The following BICC1 variants were observed in gnomAD, a reference collection of about 807,000 sequenced individuals.
BICC1 encodes protein bicaudal C homolog 1.
BICC1 carries 43 observed loss-of-function variants against 111.0 expected under a neutral mutation model. That is an observed-to-expected ratio of 0.39 (90% CI 0.30 to 0.50). The LOEUF (loss-of-function observed/expected upper bound fraction) is 0.50, where lower values mean the gene tolerates loss of function less well. Among genes scored for constraint, BICC1 ranks in the 20% least tolerant of loss-of-function variants. The pLI is 0.88. For missense variants in BICC1, 1,091 were observed against 1,203.2 expected (o/e 0.91, Z 1.38); for synonymous variants, 467 against 434.4 (o/e 1.07, Z -0.93).
At chr10:58,652,515 C>T (rs1299268675) in intron 2 of BICC1, among the ~76,000 whole-genome samples, 1 of 152,080 alleles carries the variant, frequency 6.6e-6, no homozygotes, top group African/African-American at 2.4e-5. Flanking sequence ...ATTACCTGCT[C>T]ATAGTTCTCT....
chr10:58,766,084 C>G (rs1283569466), intron 3 of BICC1, among the ~76,000 whole-genome samples: 1 of 152,172 alleles, frequency 6.6e-6, no homozygotes, highest in Non-Finnish European at 1.5e-5. Flanking sequence ...TTCGTCACCC[C>G]CTGAAGCTGC....
At chr10:58,534,949 C>T (rs1842788216) in intron 1 of BICC1, among the ~76,000 whole-genome samples, 1 of 151,162 alleles carries the variant, frequency 6.6e-6, no homozygotes, top group Non-Finnish European at 1.5e-5. Context: ...CTACAAAATG[C>T]AGTGGAAAGT....
chr10:58,734,262 C>G (rs774220965), intron 3 of BICC1, among the ~76,000 whole-genome samples: 7 of 152,222 alleles, frequency 4.6e-5, no homozygotes, highest in Non-Finnish European at 8.8e-5. Context: ...TCCAATTAAA[C>G]TCTTGAGAGT....
intron 1 of BICC1, among the ~76,000 whole-genome samples, chr10:58,546,101 T>C (rs922657335): frequency 6.6e-6 from 1 of 152,200 alleles, no homozygotes; most frequent in African/African-American, 2.4e-5. Flanking sequence ...ACCTGGATAA[T>C]TCAGAGTACT....
intron 1 of BICC1, among the ~76,000 whole-genome samples, chr10:58,531,653 C>G (rs1436049687): frequency 6.6e-6 from 1 of 151,390 alleles, no homozygotes; most frequent in Admixed American, 6.6e-5. Context: ...TAGTGCACTA[C>G]AAGAAAACAT....
chr10:58,740,561 G>T (rs527719355), intron 3 of BICC1, among the ~76,000 whole-genome samples: 4 of 152,092 alleles, frequency 2.6e-5, no homozygotes, highest in African/African-American at 4.8e-5. Flanking sequence ...TGTGTGTTTA[G>T]TCAAGAGTCA....
chr10:58,518,224 C>T (rs1464945685), intron 1 of BICC1, among the ~76,000 whole-genome samples: 3 of 152,094 alleles, frequency 2.0e-5, no homozygotes, highest in African/African-American at 7.2e-5. Flanking sequence ...AGACTAGCAG[C>T]GAAATCAGTT....
At chr10:58,784,810 C>T (rs1392952480) in intron 3 of BICC1, among the ~76,000 whole-genome samples, 191 bp from the exon 4 acceptor site, 3 of 151,922 alleles carry the variant, frequency 2.0e-5, no homozygotes, top group East Asian at 1.9e-4. Context: ...TAAATGAAAA[C>T]GTGGGCATTT....
At chr10:58,604,621 G>A (rs1224892976) in intron 1 of BICC1, among the ~76,000 whole-genome samples, 5 of 152,062 alleles carry the variant, frequency 3.3e-5, no homozygotes, top group East Asian at 1.9e-4. Flanking sequence ...AGATCACGCC[G>A]CTGCACTCCA....
chr10:58,621,833 G>A lies in BICC1; in HGVS notation c.237+932G>A, dbSNP rs138590512. ...GAGTCACTTGAACCCGGAAGACAGA[G>A]GTTGCAGTGAGCTGAGATTGTGCCA... On this transcript the variant is annotated intron_variant, in intron 2 of 20. Coordinates refer to ENST00000373886, the MANE Select transcript of BICC1 (RefSeq NM_001080512.3). Among the ~76,000 whole-genome samples, 488 of 152,006 alleles carry A rather than the reference G, an allele frequency of 3.2e-3. 7 individuals are homozygous for A. Among genetic ancestry groups the A allele is most frequent in the African/African-American group, 0.011 (460 of 41,410 alleles).
At chr10:58,736,085 C>T (rs1472164800) in intron 3 of BICC1, among the ~76,000 whole-genome samples, 1 of 152,176 alleles carries the variant, frequency 6.6e-6, no homozygotes, top group Admixed American at 6.5e-5. Context: ...GAGCCCAGTG[C>T]AGCCCCACAA....
At chr10:58,563,589 T>G (rs1843671425) in intron 1 of BICC1, among the ~76,000 whole-genome samples, 1 of 152,218 alleles carries the variant, frequency 6.6e-6, no homozygotes, top group Admixed American at 6.5e-5. Context: ...TTAGACATTC[T>G]ACTCAAAGTG....
intron 1 of BICC1, among the ~76,000 whole-genome samples, chr10:58,579,007 G>A (rs571566026): frequency 3.7e-4 from 57 of 152,314 alleles, no homozygotes; most frequent in African/African-American, 1.4e-3. Context: ...GATTTCTTAT[G>A]AGTTGATTTC....
Position 58,828,844 on chromosome 10 carries a change from C to A in BICC1, c.2878C>A (p.Pro960Thr), listed in dbSNP as rs768708806. 1.2e-6 allele frequency: 2 copies of A among 1,613,866 alleles called. No individual in the cohort carries two copies. Among genetic ancestry groups the A allele is most frequent in the African/African-American group, 2.7e-5 (2 of 74,918 alleles). ...GGAAGGTGGAGCGAGTGGAAGGCTA[C>A]CCCGTCAGTATCACTCAGACATTGC... Reference protein sequence around the residue: ...FLEGGASGRLPRQYHSDIASV... With the variant: ...FLEGGASGRLTRQYHSDIASV... Residue 960 changes from proline to threonine, a missense_variant, in exon 21 of 21, where the codon CCC becomes ACC. Pro to Thr is a conservative substitution (Grantham distance 38, BLOSUM62 -1). Transcript: ENST00000373886.
intron 3 of BICC1, chr10:58,715,484 G>A (rs1840710787): frequency 8.1e-6 from 7 of 869,060 alleles, no homozygotes; most frequent in Non-Finnish European, 1.4e-5. Flanking sequence ...AGGACCTGTG[G>A]CAGGCCCTCT....
At chr10:58,821,715 G>C (rs759731979) in intron 20 of BICC1, among the ~76,000 whole-genome samples, 3 of 152,118 alleles carry the variant, frequency 2.0e-5, no homozygotes, top group Non-Finnish European at 2.9e-5. Flanking sequence ...AACTCCACAG[G>C]GAAAATGCAT....
chr10:58,568,634 C>T (rs1373268849), intron 1 of BICC1, among the ~76,000 whole-genome samples: 1 of 152,092 alleles, frequency 6.6e-6, no homozygotes, highest in East Asian at 1.9e-4. Flanking sequence ...ACATCCACTC[C>T]AAGGAGGCTT....
intron 1 of BICC1, among the ~76,000 whole-genome samples, chr10:58,549,388 G>T (rs143445499): frequency 6.6e-6 from 1 of 152,136 alleles, no homozygotes; most frequent in Non-Finnish European, 1.5e-5. Flanking sequence ...ATTTGGAATG[G>T]TATACAGCTT....
intron 2 of BICC1, among the ~76,000 whole-genome samples, chr10:58,643,682 A>G (rs551869625): frequency 6.6e-6 from 1 of 152,330 alleles, no homozygotes; most frequent in East Asian, 1.9e-4. Context: ...AAATAATTTG[A>G]GAGGAGGAAC....
Sources: allele counts gnomAD v4.1 joint callset (sites outside exome capture counted in the v4.1 genomes callset), GRCh38; gene constraint gnomAD v4.1.1; transcripts MANE v1.5; gene names NCBI Gene and HGNC (gene_info 2026-07-23, HGNC 2026-07-21).